Variants in ANKFN1 observed in about 807,000 individuals in gnomAD.
The protein encoded by ANKFN1 is ankyrin repeat and fibronectin type-III domain-containing protein 1.
Under a neutral mutation model 108.7 loss-of-function variants are expected in ANKFN1, and 74 were observed. The ratio of observed to expected loss-of-function variants is 0.68; its 90% CI spans 0.56 to 0.83. The LOEUF (loss-of-function observed/expected upper bound fraction) is 0.83. Ranked by LOEUF, ANKFN1 falls within the 40% of genes least tolerant of loss-of-function variation. The pLI is 0.00. For missense variants in ANKFN1, 1,505 were observed against 1,382.3 expected, an observed-to-expected ratio of 1.09 and a Z score of -1.41; for synonymous variants, 547 against 516.2, an observed-to-expected ratio of 1.06 and a Z score of -0.81.
rs1441575802 is a variant in ANKFN1, at chr17:56,510,939, C to T, written c.3111C>T (p.His1037=). 1.3e-6 allele frequency: 2 copies of T among 1,536,158 alleles called. No individual in the cohort carries two copies. The highest frequency in any genetic ancestry group is 1.2e-5 in the South Asian group (1 of 84,066). ...TCTCTGAGGGCATTTATACACAGCA[C>T]CTGTCCCAGGCCTGTGGTCTGGCCC... ...LSLSEGIYTQ[H]LSQACGLAQE... is the part of the protein sequence containing the mutation. The change falls in exon 21 of 21, where the codon CAC becomes CAT. Residue 1037 remains histidine (H), a synonymous_variant. Transcript: ENST00000682825.
chr17:56,292,659 T>G (rs2044394743), intron 3 of ANKFN1, among the ~76,000 whole-genome samples: 1 of 152,160 alleles, frequency 6.6e-6, no homozygotes, highest in East Asian at 1.9e-4. Context: ...AACATCCACA[T>G]TCCCTTAAGC....
At chr17:56,260,169 T>A (rs937744630) in intron 3 of ANKFN1, among the ~76,000 whole-genome samples, 1 of 152,234 alleles carries the variant, frequency 6.6e-6, no homozygotes, top group Non-Finnish European at 1.5e-5. Context: ...CTTCCTGTTT[T>A]GCAGAAAAGA....
At position 56,258,692 on chromosome 17, in the gene ANKFN1, C is replaced by T. The variant is rs543263844; in HGVS notation, c.53+30735C>T. Among the ~76,000 whole-genome samples, 18 of 152,210 alleles carry T rather than the reference C, an allele frequency of 1.2e-4. 1 individual carries two copies. In the East Asian group the frequency reaches 1.9e-3, roughly 16 times the overall value. On this transcript the variant is annotated intron_variant, in intron 3 of 20. Coordinates refer to ENST00000682825, the MANE Select transcript of ANKFN1 (RefSeq NM_001370326.1). Reference sequence around the variant, plus strand: ...TTGGGAGGCCGAGGCGGGCGGATCACGAGGTCAGGAGATCGAGACCATCCT... The same window carrying T: ...TTGGGAGGCCGAGGCGGGCGGATCATGAGGTCAGGAGATCGAGACCATCCT...
intron 3 of ANKFN1, among the ~76,000 whole-genome samples, chr17:56,260,153 A>G (rs973061164): frequency 6.6e-6 from 1 of 152,224 alleles, no homozygotes; most frequent in African/African-American, 2.4e-5. Context: ...AGCTTTCCCA[A>G]TGTGACTTCC....
rs532113959 is a variant in ANKFN1 at position 56,063,762 on chromosome 17, C to T, written c.288+17437C>T. Among the ~76,000 whole-genome samples the T allele has an allele frequency of 3.9e-5, 6 of 152,182 alleles. No homozygotes were observed. The South Asian group carries it at 1.0e-3, about 26-fold the overall frequency. Reference sequence around the variant, plus strand: ...AGCCTACTTCTGTCAATTCATCCATCTCATTCTCCATCCAGTTCTGTGCTC... The same window carrying T: ...AGCCTACTTCTGTCAATTCATCCATTTCATTCTCCATCCAGTTCTGTGCTC... On this transcript the variant is annotated intron_variant, in intron 4 of 12. Transcript: ENST00000635860.
chr17:56,068,709 T>G lies in ANKFN1; in HGVS notation c.288+22384T>G, dbSNP rs79780119. 7.2e-5 allele frequency among the ~76,000 whole-genome samples: 11 copies of G among 152,346 alleles called. No homozygotes were observed. In the East Asian group the frequency reaches 1.7e-3, roughly 24 times the overall value. Reference sequence around the variant, plus strand: ...CATTGCAGGATAATCTTTTTCATATTGTATTCATATCGTTCAATGAAATGC... The same window carrying G: ...CATTGCAGGATAATCTTTTTCATATGGTATTCATATCGTTCAATGAAATGC... On this transcript the variant is annotated intron_variant, in intron 4 of 12. Transcript: ENST00000635860.
intron 4 of ANKFN1, among the ~76,000 whole-genome samples, chr17:56,068,903 C>T (rs539227613): frequency 3.9e-5 from 6 of 152,196 alleles, no homozygotes; most frequent in Admixed American, 2.6e-4. Flanking sequence ...TTCTAAAACC[C>T]TCTTTGAAAT....
At chr17:56,287,065 G>T (rs2044238320) in intron 3 of ANKFN1, among the ~76,000 whole-genome samples, 1 of 152,122 alleles carries the variant, frequency 6.6e-6, no homozygotes. Context: ...GTGTGTTACA[G>T]TTGCAAGATC....
chr17:56,246,321 T>C (rs1917951890), intron 3 of ANKFN1, among the ~76,000 whole-genome samples: 2 of 152,118 alleles, frequency 1.3e-5, no homozygotes, highest in African/African-American at 4.8e-5. Context: ...CTTTTATCTG[T>C]TCATCTCCTA....
chr17:56,220,780 CAGGAAGGAAGGGAGGAAGGGAGGGAGGG>C (rs1915781426), intron 2 of ANKFN1, among the ~76,000 whole-genome samples: 2 of 60,978 alleles, frequency 3.3e-5, no homozygotes, highest in Admixed American at 1.6e-4. Flanking sequence ...GGGAGGAAGT[CAGGAAGGAAGGGAGGAAGGGAGGGAGGG>C]AGGAAGGAAG....
At chr17:56,120,469 C>T (rs951492332) in intron 4 of ANKFN1, among the ~76,000 whole-genome samples, 3 of 152,100 alleles carry the variant, frequency 2.0e-5, no homozygotes, top group African/African-American at 4.8e-5. Context: ...CTTAGGATTT[C>T]TTTTAGAATG....
chr17:56,092,968 C>T (rs546709931), intron 4 of ANKFN1, among the ~76,000 whole-genome samples: 3 of 151,290 alleles, frequency 2.0e-5, no homozygotes, highest in Admixed American at 6.6e-5. Flanking sequence ...ACACTTTACT[C>T]TTCAAGGGTT....
intron 2 of ANKFN1, chr17:56,224,498 A>C (rs1040176196): frequency 1.3e-5 from 2 of 152,220 alleles, no homozygotes; most frequent in African/African-American, 4.8e-5. Flanking sequence ...GTTACATTAT[A>C]CAATTATACT....
Position 56,160,480 on chromosome 17 carries a change from A to G in ANKFN1, c.-71+6950A>G, listed in dbSNP as rs377584310. Reference sequence around the variant, plus strand: ...CACTACATTCAGCGGTCTGTTTGCTATGGAAACTTTAGGAGAGCTTGATGC... The same window carrying G: ...CACTACATTCAGCGGTCTGTTTGCTGTGGAAACTTTAGGAGAGCTTGATGC... On this transcript the variant is annotated intron_variant, in intron 1 of 20. Transcript: ENST00000682825. Among the ~76,000 whole-genome samples the G allele has an allele frequency of 3.3e-5, 5 of 150,638 alleles. No homozygotes were observed. The East Asian group carries it at 5.8e-4, about 18-fold the overall frequency.
chr17:56,055,223 C>T (rs1467538061), intron 4 of ANKFN1, among the ~76,000 whole-genome samples: 1 of 151,918 alleles, frequency 6.6e-6, no homozygotes, highest in African/African-American at 2.4e-5. Context: ...ACCTCCCGTT[C>T]TCCTCCCTTT....
intron 8 of ANKFN1, among the ~76,000 whole-genome samples, chr17:56,390,822 T>A (rs1425809256): frequency 6.6e-6 from 1 of 152,184 alleles, no homozygotes; most frequent in East Asian, 1.9e-4. Context: ...TTTTCATATG[T>A]TCGTTGGCCA....
At chr17:56,420,232 A>T (rs552957008) in intron 8 of ANKFN1, among the ~76,000 whole-genome samples, 1 of 152,196 alleles carries the variant, frequency 6.6e-6, no homozygotes, top group East Asian at 1.9e-4. Flanking sequence ...AGCACTAGAG[A>T]ACCTGCTGAC....
intron 8 of ANKFN1, among the ~76,000 whole-genome samples, chr17:56,409,379 TA>T (rs2048021271): frequency 6.6e-6 from 1 of 152,192 alleles, no homozygotes; most frequent in Non-Finnish European, 1.5e-5. Flanking sequence ...TTCTTCCTGC[TA>T]AATGCAACCA....
chr17:56,442,998 G>T, intron 10 of ANKFN1, 65 bp downstream of exon 10: 1 of 1,529,606 alleles, frequency 6.5e-7, no homozygotes, highest in Non-Finnish European at 9.0e-7. Context: ...CCATCTTCAG[G>T]GTGCCATTGC....
Sources: allele counts gnomAD v4.1 joint callset (sites outside exome capture counted in the v4.1 genomes callset), GRCh38; gene constraint gnomAD v4.1.1; transcripts MANE v1.5; gene names NCBI Gene and HGNC (gene_info 2026-07-23, HGNC 2026-07-21).